The following DSCAML1 variants were observed in gnomAD, a reference collection of about 807,000 sequenced individuals.
DSCAML1 encodes cell adhesion molecule DSCAML1.
In DSCAML1, 38 loss-of-function variants were observed where a neutral mutation model predicts 200.5. The ratio of observed to expected loss-of-function variants is 0.19; its 90% CI spans 0.15 to 0.25. The LOEUF (loss-of-function observed/expected upper bound fraction) is 0.25. Among genes scored for constraint, DSCAML1 ranks in the 10% least tolerant of loss-of-function variants. DSCAML1 has a pLI of 1.00. For missense variants in DSCAML1, 2,223 were observed against 2,858.8 expected (o/e 0.78, Z 5.07); for synonymous variants, 1,215 against 1,165.0 (o/e 1.04, Z -0.87).
At chr11:117,500,678 G>A (rs1414122604) in intron 11 of DSCAML1, among the ~76,000 whole-genome samples, 1 of 152,176 alleles carries the variant, frequency 6.6e-6, no homozygotes, top group Non-Finnish European at 1.5e-5. Context: ...CCTATTTAGT[G>A]AGTGCTCAGG....
chr11:117,556,144 T>C (rs2050555028), intron 3 of DSCAML1, among the ~76,000 whole-genome samples: 1 of 152,050 alleles, frequency 6.6e-6, no homozygotes, highest in South Asian at 2.1e-4. Flanking sequence ...TTATGAGAAT[T>C]ACAGGAGATG....
rs2055245500 is a variant in DSCAML1 at position 117,780,891 on chromosome 11, CT to C, written c.47-82del. ...ATAAGCCACGGAGGCTTGCGACAGG[CT>C]GCACTCATTCACCTGACCTTCAAGC... On this transcript the variant is annotated intron_variant, in intron 1 of 32. Coordinates refer to ENST00000651296, the MANE Select transcript of DSCAML1 (RefSeq NM_020693.4). This position sits in a 1 kb window ranked among gnomAD's most constrained non-coding sequence, Gnocchi z 4.8. 1 of 1,166,838 alleles carries C rather than the reference CT, an allele frequency of 8.6e-7. No homozygotes were observed. The highest frequency in any genetic ancestry group is 3.0e-5 in the East Asian group (1 of 33,180). The allele number at this position is 1,166,838 out of a possible 1,614,324, so 72.3% of individuals were successfully genotyped here.
intron 19 of DSCAML1, among the ~76,000 whole-genome samples, chr11:117,456,346 A>G (rs1265220404): frequency 6.6e-6 from 1 of 152,216 alleles, no homozygotes; most frequent in East Asian, 1.9e-4. Context: ...AAATGTGCTT[A>G]TTGCTGAAAT....
At chr11:117,646,733 C>A (rs1316290723) in intron 3 of DSCAML1, among the ~76,000 whole-genome samples, 1 of 152,072 alleles carries the variant, frequency 6.6e-6, no homozygotes, top group Non-Finnish European at 1.5e-5. Flanking sequence ...CAAACACTAC[C>A]AGTCAATCAG....
intron 3 of DSCAML1, among the ~76,000 whole-genome samples, chr11:117,711,409 G>A (rs1313259666): frequency 1.3e-5 from 2 of 152,190 alleles, no homozygotes; most frequent in African/African-American, 4.8e-5. Flanking sequence ...AGCCAGCTGC[G>A]TGGCTTGATA....
In DSCAML1 at chr11:117,480,453, C is replaced by T. The variant is rs2048889867; in HGVS notation, c.2775G>A (p.Lys925=). Residue 925 remains lysine (K), a synonymous_variant, in exon 14 of 33, where the codon AAG becomes AAA. Transcript: ENST00000651296. The surrounding 1 kb of genome is among the most constrained non-coding windows in gnomAD (Gnocchi z 4.1). ...SIITGFDIEY[K]NKSDSWDFKQ... ...TGGCCCAGCGCCTACCTGATTTGTT[C>T]TTGTATTCAATGTCGAAGCCCGTGA... is the stretch of plus-strand genomic sequence containing the variant. 1.2e-6 allele frequency: 2 copies of T among 1,613,556 alleles called. No homozygotes were observed. The highest frequency in any genetic ancestry group is 2.7e-5 in the African/African-American group (2 of 74,936).
At position 117,532,343 on chromosome 11, in the gene DSCAML1, CCTGCCCCGTTCTCCCCAGG is replaced by C; in HGVS notation, c.658+14_658+32del. The stretch of plus-strand genomic sequence containing the variant: ...ATGGCCTGGTGTCCTCCCTTCCCAG[CCTGCCCCGTTCTCCCCAGG>C]CCCTCTCCCCTACCTGTCACAGAGA... On this transcript the variant is annotated intron_variant, in intron 4 of 32. Coordinates refer to ENST00000651296, the MANE Select transcript of DSCAML1 (RefSeq NM_020693.4). 1.2e-6 allele frequency: 2 copies of C among 1,601,410 alleles called. No homozygotes were observed. Among genetic ancestry groups the C allele is most frequent in the Non-Finnish European group, 1.7e-6 (2 of 1,173,742 alleles).
chr11:117,763,209 A>G (rs528023973), intron 3 of DSCAML1, among the ~76,000 whole-genome samples: 1 of 152,224 alleles, frequency 6.6e-6, no homozygotes, highest in East Asian at 1.9e-4. Flanking sequence ...ATCCTGGGAA[A>G]TTCTCAAATT....
chr11:117,479,883 G>A (rs563838647), intron 14 of DSCAML1, among the ~76,000 whole-genome samples: 2 of 152,246 alleles, frequency 1.3e-5, no homozygotes, highest in East Asian at 3.9e-4. Flanking sequence ...CCTGACCTCA[G>A]GTGATCCACT....
At chr11:117,627,565 C>A (rs1053399248) in intron 3 of DSCAML1, among the ~76,000 whole-genome samples, 1 of 152,168 alleles carries the variant, frequency 6.6e-6, no homozygotes, top group Admixed American at 6.5e-5. Context: ...AGTGCCTGGG[C>A]CCCTGCTCTC....
At chr11:117,675,754 G>A (rs1004353201) in intron 3 of DSCAML1, among the ~76,000 whole-genome samples, 2 of 152,168 alleles carry the variant, frequency 1.3e-5, no homozygotes, top group Admixed American at 1.3e-4. Context: ...TCTTGTTGGC[G>A]TAAAGGCCGG....
chr11:117,475,317 G>A (rs2048769039), intron 14 of DSCAML1, among the ~76,000 whole-genome samples: 1 of 152,152 alleles, frequency 6.6e-6, no homozygotes, highest in South Asian at 2.1e-4. Context: ...ATCTGATACT[G>A]CCATTCCTAA....
chr11:117,437,533 G>T lies in DSCAML1; in HGVS notation c.4433-124C>A. ...TGGCAGTGGCTCCAGGAGAATACATGTTTGGCACAGATGGGGTGGGGAAGC... is the reference window on the plus strand; with the variant it reads ...TGGCAGTGGCTCCAGGAGAATACATTTTTGGCACAGATGGGGTGGGGAAGC... On this transcript the variant is annotated intron_variant, in intron 25 of 32. Coordinates refer to ENST00000651296, the MANE Select transcript of DSCAML1 (RefSeq NM_020693.4). The surrounding 1 kb of genome is among the most constrained non-coding windows in gnomAD (Gnocchi z 5.3). 1 of 1,205,772 alleles carries T rather than the reference G, an allele frequency of 8.3e-7. No homozygotes were observed. The allele number at this position is 1,205,772 out of a possible 1,614,324, so 74.7% of individuals were successfully genotyped here. A position where few individuals can be genotyped will look rare whatever the true frequency, so the allele number is the denominator to read the frequency against.
intron 3 of DSCAML1, among the ~76,000 whole-genome samples, chr11:117,617,706 A>ACG (rs2051839796): frequency 6.6e-6 from 1 of 151,498 alleles, no homozygotes; most frequent in Non-Finnish European, 1.5e-5. Flanking sequence ...ACACACACAC[A>ACG]CACACACACA....
chr11:117,743,646 C>A (rs1377136145), intron 3 of DSCAML1, among the ~76,000 whole-genome samples: 1 of 152,234 alleles, frequency 6.6e-6, no homozygotes, highest in African/African-American at 2.4e-5. Context: ...CCAGATCCTT[C>A]TGAAGACTCT....
At position 117,803,602 on chromosome 11, in the gene DSCAML1, C is replaced by T. The variant is rs572439493; in HGVS notation, c.-250+13788G>A. Among the ~76,000 whole-genome samples, 8 of 111,478 alleles carry T rather than the reference C, an allele frequency of 7.2e-5. No individual in the cohort carries two copies. The South Asian group carries it at 2.2e-3, about 30-fold the overall frequency. The allele number at this position is 111,478 out of a possible 152,430, so 73.1% of individuals were successfully genotyped here. A position where few individuals can be genotyped will look rare whatever the true frequency, so the allele number is the denominator to read the frequency against. On this transcript the variant is annotated intron_variant, in intron 1 of 2. Coordinates refer to the DSCAML1 transcript ENST00000525836. ...TAGTGAGGCCTAAGCTTCCAGCCCT[C>T]AATGGTCTAAGCTTCCAGCCCTGCA... is the stretch of plus-strand genomic sequence containing the variant.
chr11:117,450,527 A>G, intron 20 of DSCAML1, 22 bp downstream of exon 20: 1 of 1,611,092 alleles, frequency 6.2e-7, no homozygotes, highest in Non-Finnish European at 8.5e-7. Flanking sequence ...CCCCTTCATC[A>G]TCTGGCCCTG....
chr11:117,683,824 G>A (rs543717465), intron 3 of DSCAML1, among the ~76,000 whole-genome samples: 104 of 152,318 alleles, frequency 6.8e-4, no homozygotes, highest in African/African-American at 2.4e-3. Context: ...CTCATAGGCA[G>A]TATGGAATAA....
chr11:117,776,750 G>C, intron 3 of DSCAML1, 41 bp downstream of exon 3: 3 of 1,612,414 alleles, frequency 1.9e-6, no homozygotes, highest in Non-Finnish European at 2.5e-6. Flanking sequence ...TCCCCACAGA[G>C]GGAGCACCTC....
Sources: gnomAD v4.1 joint callset for allele counts (sites outside exome capture counted in the v4.1 genomes callset) on GRCh38, gnomAD v4.1.1 for gene constraint, Gnocchi (gnomAD v3.1) non-coding constraint, MANE v1.5 for transcripts, NCBI Gene and HGNC (gene_info 2026-07-23, HGNC 2026-07-21) for gene names.